The following BRD2 variants were observed in gnomAD, a reference collection of about 807,000 sequenced individuals.
BRD2 encodes bromodomain containing 2, also known as bromodomain-containing protein 2.
A neutral mutation model predicts 79.1 loss-of-function variants in BRD2; 15 were observed. That is an observed-to-expected ratio of 0.19 (90% CI 0.13 to 0.29). The LOEUF is 0.29. BRD2 is among the 10% of genes least tolerant of loss of function. BRD2 has a pLI of 1.00. For missense variants in BRD2, 1,053 were observed against 991.3 expected (o/e 1.06, Z -0.84); for synonymous variants, 488 against 358.6 (o/e 1.36, Z -4.08).
intron 1 of BRD2, 158 bp downstream of exon 1, chr6:32,969,214 CGA>C: frequency 1.9e-6 from 1 of 513,650 alleles, no homozygotes; most frequent in Non-Finnish European, 3.5e-6. Context: ...GGAGGGGGGG[CGA>C]GCGGGAGAGG....
At position 32,981,429 on chromosome 6, in the gene BRD2, A is replaced by G. The variant is rs1779541330; in HGVS notation, c.*711A>G. The G allele has an allele frequency of 6.6e-6, 1 of 152,208 alleles. No individual in the cohort carries two copies. Among genetic ancestry groups the G allele is most frequent in the Admixed American group, 6.5e-5 (1 of 15,278 alleles). The allele number at this position is 152,208 out of a possible 1,614,324, so 9.4% of individuals were successfully genotyped here. On this transcript the variant is annotated 3_prime_UTR_variant, in exon 13 of 13. Coordinates refer to ENST00000374825, the MANE Select transcript of BRD2 (RefSeq NM_005104.4). Reference sequence around the variant, plus strand: ...GAGAAAAGGCAATAGCTAACCTATAATTGGATTGTCTTAATTTTTAAACCA... The same window carrying G: ...GAGAAAAGGCAATAGCTAACCTATAGTTGGATTGTCTTAATTTTTAAACCA...
Position 32,979,862 on chromosome 6 carries a change from G to A in BRD2, c.1876G>A (p.Ala626Thr). ...PKKATKTAPP[A>T]LPTGYDSEEE... ...AAAGGCCACAAAGACAGCCCCACCT[G>A]CCCTGCCTACAGGTTATGATTCAGA... The change falls in exon 11 of 13, where the codon GCC becomes ACC. Residue 626 changes from alanine to threonine, a missense_variant. Coordinates refer to ENST00000374825, the MANE Select transcript of BRD2 (RefSeq NM_005104.4). 1 of 1,612,878 alleles carries A rather than the reference G, an allele frequency of 6.2e-7. No individual in the cohort carries two copies. The highest frequency in any genetic ancestry group is 8.5e-7 in the Non-Finnish European group (1 of 1,179,908).
chr6:32,972,474 C>G lies in BRD2; in HGVS notation c.-425C>G. On this transcript the variant is annotated 5_prime_UTR_variant, in exon 2 of 13. Transcript: ENST00000374825. ...TTTCAAAGATGGAGGCGGCGGCTCCCTAAACCACTTTTCGTGTTCATCCGC... is the reference window on the plus strand; with the variant it reads ...TTTCAAAGATGGAGGCGGCGGCTCCGTAAACCACTTTTCGTGTTCATCCGC... 3.3e-6 allele frequency: 1 copy of G among 305,342 alleles called. No individual in the cohort carries two copies. The highest frequency in any genetic ancestry group is 6.2e-6 in the Non-Finnish European group (1 of 160,190). 18.9% of individuals were successfully genotyped at this position (305,342 alleles called of 1,614,324 possible). A position where few individuals can be genotyped will look rare whatever the true frequency, so the allele number is the denominator to read the frequency against.
chr6:32,969,502 T>G, intron 1 of BRD2: 3 of 600,584 alleles, frequency 5.0e-6, no homozygotes, highest in Non-Finnish European at 6.2e-6. Context: ...CCAACTTCCT[T>G]TCTCCCCAGA....
At chr6:32,978,080 T>A (rs772796636) in intron 9 of BRD2, 46 bp from the exon 10 acceptor site, 2 of 1,589,458 alleles carry the variant, frequency 1.3e-6, no homozygotes, top group Non-Finnish European at 1.7e-6. Context: ...CTTCTTGTTA[T>A]TTTATCTTTA....
chr6:32,976,865 G>C lies in BRD2; in HGVS notation c.1129G>C (p.Asp377His). The change falls in exon 7 of 13, where the codon GAT becomes CAT. Residue 377 changes from aspartate to histidine, a missense_variant. This residue lies in a region of BRD2 where 454 missense variants were observed against 430.5 expected (regional missense o/e 1.05). Transcript: ENST00000374825. ...AYAWPFYKPV[D>H]ASALGLHDYH... ...TGCTTGGCCTTTCTATAAACCAGTG[G>C]ATGCTTCTGCACTTGGCCTGCATGA... 6.2e-7 allele frequency: 1 copy of C among 1,613,132 alleles called. No homozygotes were observed. The highest frequency in any genetic ancestry group is 8.5e-7 in the Non-Finnish European group (1 of 1,180,032).
intron 2 of BRD2, 33 bp downstream of exon 2, chr6:32,972,960 A>T (rs1250075452): frequency 1.2e-6 from 2 of 1,613,920 alleles, no homozygotes; most frequent in Non-Finnish European, 1.7e-6. Flanking sequence ...TGGGAAGGGG[A>T]TGTTGCAGGG....
chr6:32,969,018 G>T lies in BRD2; in HGVS notation c.-1343G>T. On this transcript the variant is annotated 5_prime_UTR_variant, in exon 1 of 13. Transcript: ENST00000374825. ...ATTACATACCCCGTACCAAGCCGAG[G>T]GCAACTTTGGAGGCCCCCTGGAAGG... is the stretch of plus-strand genomic sequence containing the variant. 1 of 367,760 alleles carries T rather than the reference G, an allele frequency of 2.7e-6. No homozygotes were observed. The highest frequency in any genetic ancestry group is 4.0e-5 in the East Asian group (1 of 24,990). 22.8% of individuals were successfully genotyped at this position (367,760 alleles called of 1,614,324 possible).
intron 2 of BRD2, among the ~76,000 whole-genome samples, chr6:32,973,727 G>A (rs1216257660): frequency 6.6e-6 from 1 of 152,216 alleles, no homozygotes; most frequent in African/African-American, 2.4e-5. Flanking sequence ...GGTGGAAGGG[G>A]GCTATCACTT....
Position 32,980,825 on chromosome 6 carries a change from C to A in BRD2, c.*107C>A, listed in dbSNP as rs1010370479. ...GCTGTGACACTTCTTCATCTCACCC[C>A]CCCCCGCCCCCCTCTAGGAGAGCTG... On this transcript the variant is annotated 3_prime_UTR_variant, in exon 13 of 13. Transcript: ENST00000374825. 135 of 1,342,892 alleles carry A rather than the reference C, an allele frequency of 1.0e-4. No homozygotes were observed. The highest frequency in any genetic ancestry group is 2.7e-4 in the Admixed American group (14 of 52,554). The allele number at this position is 1,342,892 out of a possible 1,614,324, so 83.2% of individuals were successfully genotyped here. A position where few individuals can be genotyped will look rare whatever the true frequency, so the allele number is the denominator to read the frequency against.
chr6:32,977,342 C>G (rs1256539575), intron 7 of BRD2, 100 bp from the exon 8 acceptor site: 87 of 1,608,458 alleles, frequency 5.4e-5, no homozygotes, highest in Non-Finnish European at 6.5e-5. Flanking sequence ...GTCATCCCCA[C>G]TGTGCTCTCA....
intron 10 of BRD2, chr6:32,979,237 G>C (rs968140351): frequency 1.3e-5 from 2 of 159,512 alleles, no homozygotes; most frequent in African/African-American, 4.8e-5. Context: ...TTTTTAGTGC[G>C]CAGCTAGTTT....
In BRD2 at chr6:32,972,178, C is replaced by G. The variant is rs956001531; in HGVS notation, c.-721C>G. 9 of 585,802 alleles carry G rather than the reference C, an allele frequency of 1.5e-5. No homozygotes were observed. Among genetic ancestry groups the G allele is most frequent in the African/African-American group, 1.1e-4 (6 of 53,650 alleles). The allele number at this position is 585,802 out of a possible 1,614,324, so 36.3% of individuals were successfully genotyped here. Reference sequence around the variant, plus strand: ...CTCCTCCCCGCCTATATATAAAGGGCTGGCGCGGGGCTCGGCGGCGCCATT... The same window carrying G: ...CTCCTCCCCGCCTATATATAAAGGGGTGGCGCGGGGCTCGGCGGCGCCATT... On this transcript the variant is annotated 5_prime_UTR_variant, in exon 2 of 13. Coordinates refer to ENST00000374825, the MANE Select transcript of BRD2 (RefSeq NM_005104.4).
chr6:32,980,827 C>T lies in BRD2; in HGVS notation c.*109C>T. 2.2e-6 allele frequency: 3 copies of T among 1,346,848 alleles called. No homozygotes were observed. Among genetic ancestry groups the T allele is most frequent in the South Asian group, 1.3e-5 (1 of 78,822 alleles). The allele number at this position is 1,346,848 out of a possible 1,614,324, so 83.4% of individuals were successfully genotyped here. On this transcript the variant is annotated 3_prime_UTR_variant, in exon 13 of 13. Coordinates refer to ENST00000374825, the MANE Select transcript of BRD2 (RefSeq NM_005104.4). ...TGTGACACTTCTTCATCTCACCCCC[C>T]CCCGCCCCCCTCTAGGAGAGCTGGC... is the stretch of plus-strand genomic sequence containing the variant.
In BRD2 at chr6:32,972,349, G is replaced by A. The variant is rs1418019648; in HGVS notation, c.-550G>A. ...GTCCCGGCCTATGACTGGTCCCAGC[G>A]GGCAGTACAGACCCCCTAGAAGCCC... On this transcript the variant is annotated 5_prime_UTR_variant, in exon 2 of 13. Coordinates refer to ENST00000374825, the MANE Select transcript of BRD2 (RefSeq NM_005104.4). 8.2e-6 allele frequency: 3 copies of A among 365,828 alleles called. No individual in the cohort carries two copies. The highest frequency in any genetic ancestry group is 7.5e-5 in the East Asian group (1 of 13,350). 22.7% of individuals were successfully genotyped at this position (365,828 alleles called of 1,614,324 possible).
intron 6 of BRD2, 40 bp downstream of exon 6, chr6:32,976,504 G>C: frequency 1.2e-6 from 2 of 1,601,600 alleles, no homozygotes; most frequent in Non-Finnish European, 1.7e-6. Flanking sequence ...AGGGAGGCAA[G>C]GGTCTTAAGT....
At position 32,981,102 on chromosome 6, in the gene BRD2, G is replaced by C. The variant is rs2044665849; in HGVS notation, c.*384G>C. 5.7e-6 allele frequency: 1 copy of C among 175,118 alleles called. No homozygotes were observed. Among genetic ancestry groups the C allele is most frequent in the African/African-American group, 2.4e-5 (1 of 42,260 alleles). The allele number at this position is 175,118 out of a possible 1,614,324, so 10.8% of individuals were successfully genotyped here. ...ATTTATTTTAAGCTAGGTAAGGCTG[G>C]GGGGAGGGTGGGGCCGTGGTCCCCT... is the stretch of plus-strand genomic sequence containing the variant. On this transcript the variant is annotated 3_prime_UTR_variant, in exon 13 of 13. Coordinates refer to ENST00000374825, the MANE Select transcript of BRD2 (RefSeq NM_005104.4).
chr6:32,972,980 A>AG, intron 2 of BRD2, 53 bp downstream of exon 2: 2 of 1,613,732 alleles, frequency 1.2e-6, no homozygotes, highest in Non-Finnish European at 1.7e-6. Flanking sequence ...GCGGCGGCAC[A>AG]GGGGTGTGGG....
rs945912177 is a variant in BRD2 at position 32,981,170 on chromosome 6, G to A, written c.*452G>A. 1.6e-4 allele frequency: 25 copies of A among 154,132 alleles called. No homozygotes were observed. Among genetic ancestry groups the A allele is most frequent in the Non-Finnish European group, 2.7e-4 (19 of 70,020 alleles). The allele number at this position is 154,132 out of a possible 1,614,324, so 9.5% of individuals were successfully genotyped here. ...GAAGAAGGGGGAGCTCTTTTTTTAC[G>A]TTGATTTTTTTTTTTCTACTCTGTT... On this transcript the variant is annotated 3_prime_UTR_variant, in exon 13 of 13. Transcript: ENST00000374825.
Sources: gnomAD v4.1 joint callset for allele counts (sites outside exome capture counted in the v4.1 genomes callset) on GRCh38, gnomAD v4.1.1 for gene constraint, gnomAD v4.1.1 regional missense constraint, MANE v1.5 for transcripts, NCBI Gene and HGNC (gene_info 2026-07-23, HGNC 2026-07-21) for gene names.